The following INSL6 variants were observed in gnomAD, a reference collection of about 807,000 sequenced individuals.
INSL6 encodes insulin-like peptide INSL6.
A neutral mutation model predicts 9.4 loss-of-function variants in INSL6; 16 were observed. The observed-to-expected ratio is 1.70, with a 90% CI of 1.15 to 2.59. The LOEUF (loss-of-function observed/expected upper bound fraction) is 2.59. Among genes scored for constraint, INSL6 ranks in the 30% most tolerant of loss-of-function variants. INSL6 has a pLI of 0.00. For missense variants in INSL6, 391 were observed against 257.3 expected (o/e 1.52, Z -3.56); for synonymous variants, 154 against 96.9 (o/e 1.59, Z -3.46).
the INSL6 span, among the ~76,000 whole-genome samples, chr9:5,088,296 T>C: frequency 6.6e-6 from 1 of 152,196 alleles, no homozygotes; most frequent in African/African-American, 2.4e-5. Context: ...GATTTAACTT[T>C]GAGCCTACAT....
the INSL6 span, among the ~76,000 whole-genome samples, chr9:5,062,621 T>A: frequency 6.6e-6 from 1 of 151,442 alleles, no homozygotes; most frequent in Admixed American, 6.6e-5. Flanking sequence ...AGTGAACTGC[T>A]AGTTCAAAGG....
At chr9:5,080,325 T>C in the INSL6 span, 3 of 1,613,984 alleles carry the variant, frequency 1.9e-6, no homozygotes, top group Non-Finnish European at 2.5e-6. Context: ...GGTACCACTT[T>C]GTGGGAAATC....
At chr9:5,129,765 G>C (rs1326454538) in intron 3 of INSL6, among the ~76,000 whole-genome samples, 1 of 152,112 alleles carries the variant, frequency 6.6e-6, no homozygotes, top group African/African-American at 2.4e-5. Context: ...ATTTCAAAAT[G>C]ACACTGAGAG....
chr9:5,021,969 G>A, the INSL6 span: 1 of 1,575,206 alleles, frequency 6.3e-7, no homozygotes, highest in East Asian at 2.2e-5. Flanking sequence ...ACAGGCAAAT[G>A]TTCTGAAAAA....
At chr9:5,084,994 G>C in the INSL6 span, 4 of 843,112 alleles carry the variant, frequency 4.7e-6, no homozygotes, top group Non-Finnish European at 7.7e-6. Flanking sequence ...AGAAAGAGTT[G>C]TCATTTATGT....
At chr9:5,009,267 A>T in the INSL6 span, among the ~76,000 whole-genome samples, 1 of 152,184 alleles carries the variant, frequency 6.6e-6, no homozygotes, top group Non-Finnish European at 1.5e-5. Flanking sequence ...TAGGAAATGC[A>T]AAAGAGGCAA....
chr9:5,050,259 T>C, the INSL6 span, among the ~76,000 whole-genome samples: 1 of 152,192 alleles, frequency 6.6e-6, no homozygotes, highest in Non-Finnish European at 1.5e-5. Flanking sequence ...TATCGCAAAA[T>C]GAATGAAAAT....
the INSL6 span, chr9:5,089,760 T>C: frequency 9.4e-6 from 15 of 1,592,102 alleles, no homozygotes; most frequent in Non-Finnish European, 1.3e-5. Flanking sequence ...AGCTTCAGCA[T>C]AGTACTGAAG....
In INSL6 at chr9:5,174,393, A is replaced by G. The variant is rs549566945; in HGVS notation, c.290-10128T>C. 1.6e-4 allele frequency among the ~76,000 whole-genome samples: 24 copies of G among 152,362 alleles called. 2 individuals are homozygous for G. Among genetic ancestry groups the G allele is most frequent in the African/African-American group, 5.5e-4 (23 of 41,594 alleles). On this transcript the variant is annotated intron_variant, in intron 1 of 1. Coordinates refer to ENST00000381641, the MANE Select transcript of INSL6 (RefSeq NM_007179.3). Reference sequence around the variant, plus strand: ...CCAAAACTTCTCTTATGAAGGTCACAAACATATTGCTAAATTCAACAGCCA... The same window carrying G: ...CCAAAACTTCTCTTATGAAGGTCACGAACATATTGCTAAATTCAACAGCCA...
the INSL6 span, among the ~76,000 whole-genome samples, chr9:5,089,407 G>A: frequency 1.3e-5 from 2 of 151,884 alleles, no homozygotes; most frequent in African/African-American, 2.4e-5. Context: ...GCGTATTGGC[G>A]GGCGCCTGTA....
the INSL6 span, among the ~76,000 whole-genome samples, chr9:5,006,822 C>T: frequency 6.6e-6 from 1 of 152,110 alleles, no homozygotes; most frequent in Non-Finnish European, 1.5e-5. Flanking sequence ...AGAACCAAAC[C>T]ATATCAATTA....
the INSL6 span, among the ~76,000 whole-genome samples, chr9:5,036,664 G>T: frequency 6.6e-6 from 1 of 152,214 alleles, no homozygotes; most frequent in Non-Finnish European, 1.5e-5. Context: ...GCCATGTGTA[G>T]AAAGCTGAAA....
At chr9:5,127,980 T>C in intron 3 of INSL6, 1 of 232,356 alleles carries the variant, frequency 4.3e-6, no homozygotes, top group Non-Finnish European at 8.5e-6. Context: ...GCATACATCT[T>C]AAATCTTTTC....
chr9:5,143,197 C>T (rs189116816), intron 2 of INSL6, among the ~76,000 whole-genome samples: 3 of 151,096 alleles, frequency 2.0e-5, no homozygotes, highest in Non-Finnish European at 2.9e-5. Context: ...ATGATGCTGA[C>T]CTCATAGAAT....
At position 5,163,976 on chromosome 9, in the gene INSL6, A is replaced by G. The variant is rs757193638; in HGVS notation, c.579T>C (p.Leu193=). The change falls in exon 2 of 2, where the codon CTT becomes CTC. Residue 193 remains leucine, a synonymous_variant. Coordinates refer to ENST00000381641, the MANE Select transcript of INSL6 (RefSeq NM_007179.3). ...CTKEELSIAC[L]PYIDFKRLKE... ...TTAGCCTTTTAAAATCAATATATGG[A>G]AGACATGCAATGCTAAGTTCTTCTT... 9 of 1,611,924 alleles carry G rather than the reference A, an allele frequency of 5.6e-6. No individual in the cohort carries two copies. The highest frequency in any genetic ancestry group is 7.6e-6 in the Non-Finnish European group (9 of 1,179,656).
At chr9:5,030,951 G>T in the INSL6 span, among the ~76,000 whole-genome samples, 1 of 152,060 alleles carries the variant, frequency 6.6e-6, no homozygotes, top group Non-Finnish European at 1.5e-5. Context: ...TTATATGCAA[G>T]CAACCAGTTA....
At chr9:5,016,370 G>T in the INSL6 span, among the ~76,000 whole-genome samples, 2 of 152,166 alleles carry the variant, frequency 1.3e-5, no homozygotes, top group Non-Finnish European at 2.9e-5. Flanking sequence ...CAGATTGTTA[G>T]ATGAGGAGGG....
At chr9:5,109,271 AATT>A in the INSL6 span, 1 of 152,140 alleles carries the variant, frequency 6.6e-6, no homozygotes, top group African/African-American at 2.4e-5. Context: ...TAAATCCTAA[AATT>A]ATTATGGGCT....
chr9:5,084,991 G>C, the INSL6 span: 1 of 835,682 alleles, frequency 1.2e-6, no homozygotes, highest in East Asian at 3.9e-5. Context: ...AACAGAAAGA[G>C]TTGTCATTTA....
Sources: allele counts gnomAD v4.1 joint callset (sites outside exome capture counted in the v4.1 genomes callset), GRCh38; gene constraint gnomAD v4.1.1; transcripts MANE v1.5; gene names NCBI Gene and HGNC (gene_info 2026-07-23, HGNC 2026-07-21).